Variants in CDK10 observed in about 807,000 individuals in gnomAD.
The protein encoded by CDK10 is cyclin-dependent kinase 10.
CDK10 carries 55 observed loss-of-function variants against 51.0 expected under a neutral mutation model. The observed-to-expected ratio is 1.08, with a 90% CI of 0.87 to 1.35. The LOEUF (loss-of-function observed/expected upper bound fraction) is 1.35, where lower values mean the gene tolerates loss of function less well. Ranked by LOEUF, CDK10 falls within the 40% of genes most tolerant of loss-of-function variation. CDK10 has a pLI of 0.00. For synonymous variants in CDK10, 255 were observed against 199.1 expected, an observed-to-expected ratio of 1.28 and a Z score of -2.36; for missense variants, 589 against 485.1, an observed-to-expected ratio of 1.21 and a Z score of -2.01.
chr16:89,694,787 C>T lies in CDK10; in HGVS notation c.791C>T (p.Pro264Leu), dbSNP rs766664344. Residue 264 changes from proline to leucine, a missense_variant and splice_region_variant, in exon 10 of 13, where the codon CCG (proline) becomes CTG (leucine). Transcript: ENST00000353379. ...GGCACGCCCAGTGAGAACATCTGGCCGGTGGGCGTCCTGGGCAGACCCGCA... is the reference window on the plus strand; with the variant it reads ...GGCACGCCCAGTGAGAACATCTGGCTGGTGGGCGTCCTGGGCAGACCCGCA... ...LLGTPSENIWPGFSKLPLVGQ... is the reference protein window; with the variant it reads ...LLGTPSENIWLGFSKLPLVGQ... 3.2e-6 allele frequency: 5 copies of T among 1,558,746 alleles called. No homozygotes were observed. The highest frequency in any genetic ancestry group is 2.4e-5 in the South Asian group (2 of 84,916).
intron 8 of CDK10, 102 bp downstream of exon 8, chr16:89,693,569 T>C (rs946902912): frequency 1.3e-5 from 15 of 1,169,406 alleles, no homozygotes; most frequent in Middle Eastern, 2.7e-4. Flanking sequence ...TTGGGAATGT[T>C]AAGCTACAGG....
At chr16:89,694,876 C>G (rs949054352) in intron 10 of CDK10, 55 bp from the exon 11 acceptor site, 11 of 1,589,654 alleles carry the variant, frequency 6.9e-6, no homozygotes, top group Non-Finnish European at 9.4e-6. Context: ...CCCTCTGCGC[C>G]CGCAGCCCCC....
chr16:89,687,114 G>T lies in CDK10; in HGVS notation c.87+317G>T, dbSNP rs570951584. The T allele has an allele frequency of 3.6e-5, 9 of 248,954 alleles. No individual in the cohort carries two copies. In the Admixed American group the frequency reaches 4.1e-4, roughly 11 times the overall value. 15.4% of individuals were successfully genotyped at this position (248,954 alleles called of 1,614,324 possible). On this transcript the variant is annotated intron_variant, in intron 1 of 12. Coordinates refer to ENST00000353379, the MANE Select transcript of CDK10 (RefSeq NM_052988.5). ...CTGCTGGGTTCAGCGCCCGAGCTGG[G>T]CTTTGCAGGCTGAGCCGCGAGCCAC... is the stretch of plus-strand genomic sequence containing the variant.
At chr16:89,692,254 G>A in intron 5 of CDK10, 195 bp from the exon 6 acceptor site, 1 of 537,972 alleles carries the variant, frequency 1.9e-6, no homozygotes, top group Non-Finnish European at 3.3e-6. Flanking sequence ...GCAGCCCCGG[G>A]GCCAAGAGCC....
At position 89,695,039 on chromosome 16, in the gene CDK10, C is replaced by T; in HGVS notation, c.901C>T (p.His301Tyr). 1 of 1,613,228 alleles carries T rather than the reference C, an allele frequency of 6.2e-7. No individual in the cohort carries two copies. The highest frequency in any genetic ancestry group is 8.5e-7 in the Non-Finnish European group (1 of 1,180,016). Residue 301 changes from histidine (H) to tyrosine (Y), a missense_variant, in exon 11 of 13, where the codon CAC becomes TAC. Coordinates refer to ENST00000353379, the MANE Select transcript of CDK10 (RefSeq NM_052988.5). The stretch of plus-strand genomic sequence containing the variant: ...GTCGGAGGCCGGGCTGCGCCTGCTG[C>T]ACTTCCTGTTCATGTACGACCCTAA... ...WLSEAGLRLL[H>Y]FLFMYDPKKR... is the part of the protein sequence containing the mutation.
rs1158088246 is a variant in CDK10, at chr16:89,689,253, T to G, written c.89T>G (p.Leu30Arg). 1 of 1,614,054 alleles carries G rather than the reference T, an allele frequency of 6.2e-7. No homozygotes were observed. Among genetic ancestry groups the G allele is most frequent in the Non-Finnish European group, 8.5e-7 (1 of 1,179,920 alleles). Reference protein sequence around the residue: ...GFFTVPPEHRLGRCRSVKEFE... With the variant: ...GFFTVPPEHRRGRCRSVKEFE... Reference sequence around the variant, plus strand: ...ACTGGCAACACCCTTCTGTTTCAGCTGGGACGATGCCGGAGTGTGAAGGAG... The same window carrying G: ...ACTGGCAACACCCTTCTGTTTCAGCGGGGACGATGCCGGAGTGTGAAGGAG... Residue 30 changes from leucine to arginine, a missense_variant and splice_region_variant, in exon 2 of 13, where the codon CTG becomes CGG. Coordinates refer to ENST00000353379, the MANE Select transcript of CDK10 (RefSeq NM_052988.5).
chr16:89,695,530 G>A, intron 12 of CDK10, 65 bp from the exon 13 acceptor site: 1 of 1,551,460 alleles, frequency 6.4e-7, no homozygotes, highest in Non-Finnish European at 8.7e-7. Flanking sequence ...GCTGGACTCA[G>A]ACCTGGGCCT....
At position 89,691,722 on chromosome 16, in the gene CDK10, T is replaced by C. The variant is rs115993197; in HGVS notation, c.336-84T>C. 475 of 1,384,364 alleles carry C rather than the reference T, an allele frequency of 3.4e-4. 3 individuals are homozygous for C. In the African/African-American group the frequency reaches 5.9e-3, roughly 17 times the overall value. 85.8% of individuals were successfully genotyped at this position (1,384,364 alleles called of 1,614,324 possible). A position where few individuals can be genotyped will look rare whatever the true frequency, so the allele number is the denominator to read the frequency against. ...AGGGGGACACAGGTTGTCCTGCCCA[T>C]GTCCCCTCCTGCAGCAGGGGAGGCT... is the stretch of plus-strand genomic sequence containing the variant. On this transcript the variant is annotated intron_variant, in intron 4 of 12. Transcript: ENST00000353379.
Position 89,694,741 on chromosome 16 carries a change from G to A in CDK10, c.745G>A (p.Asp249Asn), listed in dbSNP as rs377692640. Residue 249 changes from aspartate to asparagine, a missense_variant, in exon 10 of 13, where the codon GAC (aspartate) becomes AAC (asparagine). Physicochemically the swap from Asp to Asn is conservative, Grantham distance 23. Coordinates refer to ENST00000353379, the MANE Select transcript of CDK10 (RefSeq NM_052988.5). ...CGGCACTTCCGAGATCCACCAGATCGACTTGATCGTGCAGCTGCTGGGCAC... is the reference window on the plus strand; with the variant it reads ...CGGCACTTCCGAGATCCACCAGATCAACTTGATCGTGCAGCTGCTGGGCAC... The part of the protein sequence containing the change: ...LPGTSEIHQI[D>N]LIVQLLGTPS... 2.5e-6 allele frequency: 4 copies of A among 1,575,476 alleles called. No individual in the cohort carries two copies. Among genetic ancestry groups the A allele is most frequent in the South Asian group, 2.3e-5 (2 of 86,078 alleles).
chr16:89,693,077 G>A (rs576878643), intron 6 of CDK10, among the ~76,000 whole-genome samples, 197 bp from the exon 7 acceptor site: 1 of 151,524 alleles, frequency 6.6e-6, no homozygotes, highest in East Asian at 2.0e-4. Flanking sequence ...GGCGGAGCTT[G>A]CAGTGAGCCG....
At chr16:89,695,450 A>C in intron 12 of CDK10, 105 bp downstream of exon 12, 1 of 1,475,918 alleles carries the variant, frequency 6.8e-7, no homozygotes, top group South Asian at 1.2e-5. Flanking sequence ...CTGACGGCAC[A>C]CCCTTTCTGG....
chr16:89,689,374 T>G (rs577139302), intron 2 of CDK10, 50 bp downstream of exon 2: 1 of 1,543,486 alleles, frequency 6.5e-7, no homozygotes, highest in African/African-American at 1.4e-5. Context: ...GCTGTGACAG[T>G]GTGGGACGAG....
chr16:89,693,236 C>A, intron 6 of CDK10, 38 bp from the exon 7 acceptor site: 1 of 1,607,894 alleles, frequency 6.2e-7, no homozygotes, highest in Non-Finnish European at 8.5e-7. Context: ...GCCCCTGTGG[C>A]CCTCTGGGAG....
Position 89,695,033 on chromosome 16 carries a change from C to G in CDK10, c.895C>G (p.Leu299Val). ...ATGGCTGTCGGAGGCCGGGCTGCGC[C>G]TGCTGCACTTCCTGTTCATGTACGA... ...FPWLSEAGLR[L>V]LHFLFMYDPK... The change falls in exon 11 of 13, where the codon CTG becomes GTG. Residue 299 changes from leucine to valine, a missense_variant. Transcript: ENST00000353379. 1 of 1,613,268 alleles carries G rather than the reference C, an allele frequency of 6.2e-7. No individual in the cohort carries two copies. Among genetic ancestry groups the G allele is most frequent in the Non-Finnish European group, 8.5e-7 (1 of 1,180,030 alleles).
At position 89,689,255 on chromosome 16, in the gene CDK10, G is replaced by C. The variant is rs1378766917; in HGVS notation, c.91G>C (p.Gly31Arg). 1 of 1,613,982 alleles carries C rather than the reference G, an allele frequency of 6.2e-7. No individual in the cohort carries two copies. The highest frequency in any genetic ancestry group is 8.5e-7 in the Non-Finnish European group (1 of 1,179,994). The change falls in exon 2 of 13, where the codon GGA (glycine) becomes CGA (arginine). Residue 31 changes from glycine (G) to arginine (R), a missense_variant. By Grantham distance (125) the Gly-to-Arg change is moderately radical. Transcript: ENST00000353379. ...TGGCAACACCCTTCTGTTTCAGCTG[G>C]GACGATGCCGGAGTGTGAAGGAGTT... ...FFTVPPEHRL[G>R]RCRSVKEFEK...
chr16:89,689,068 C>G (rs1343216005), intron 1 of CDK10, among the ~76,000 whole-genome samples, 184 bp from the exon 2 acceptor site: 1 of 152,164 alleles, frequency 6.6e-6, no homozygotes, highest in Non-Finnish European at 1.5e-5. Flanking sequence ...CCACTGCACT[C>G]CAGCCTGGGC....
At chr16:89,687,347 TG>T in intron 1 of CDK10, 3 of 409,650 alleles carry the variant, frequency 7.3e-6, no homozygotes, top group Admixed American at 2.5e-5. Flanking sequence ...GCACGGCTGG[TG>T]GGGGTGGAGA....
chr16:89,691,644 G>A (rs563775867), intron 4 of CDK10, 99 bp downstream of exon 4: 6 of 1,247,582 alleles, frequency 4.8e-6, no homozygotes, highest in African/African-American at 1.5e-5. Context: ...TGGGCATGAG[G>A]TTGTCAGAGA....
At chr16:89,688,685 G>T (rs2060310090) in intron 1 of CDK10, among the ~76,000 whole-genome samples, 1 of 152,202 alleles carries the variant, frequency 6.6e-6, no homozygotes, top group Non-Finnish European at 1.5e-5. Flanking sequence ...GGGATGCTGG[G>T]ACAGCAGCCT....
Sources: gnomAD v4.1 joint callset for allele counts (sites outside exome capture counted in the v4.1 genomes callset) on GRCh38, gnomAD v4.1.1 for gene constraint, MANE v1.5 for transcripts, NCBI Gene and HGNC (gene_info 2026-07-23, HGNC 2026-07-21) for gene names.